The following ADGRG4 variants were observed in gnomAD, a reference collection of about 807,000 sequenced individuals.
ADGRG4 encodes the protein G protein-coupled receptor 112.
In ADGRG4, 122 loss-of-function variants were observed where a neutral mutation model predicts 126.2. The ratio of observed to expected loss-of-function variants is 0.97; its 90% confidence interval spans 0.83 to 1.12. The LOEUF is 1.12. ADGRG4 is among the 50% of genes most tolerant of loss of function. ADGRG4 has a pLI of 0.00. For synonymous variants in ADGRG4, 943 were observed against 838.7 expected (o/e 1.12, Z -2.15); for missense variants, 2,481 against 2,251.8 (o/e 1.10, Z -2.06).
chrX:136,334,310 A>G (rs940647432), intron 5 of ADGRG4, among the ~76,000 whole-genome samples: 1 of 111,340 alleles, frequency 9.0e-6, no homozygotes. Context: ...TCATCTATGT[A>G]TCTATCCCTC....
intron 5 of ADGRG4, among the ~76,000 whole-genome samples, chrX:136,328,007 T>C (rs1048305115): frequency 1.8e-5 from 2 of 111,718 alleles, no homozygotes; most frequent in Non-Finnish European, 3.8e-5. Flanking sequence ...ATTTCTTATA[T>C]ATCCTTGCGG....
At chrX:136,401,491 G>A (rs918615740) in intron 21 of ADGRG4, among the ~76,000 whole-genome samples, 2 of 111,470 alleles carry the variant, frequency 1.8e-5, no homozygotes, top group East Asian at 5.6e-4. Context: ...AGGAGAGGCA[G>A]GAAAGGCTAA....
At position 136,348,099 on chromosome X, in the gene ADGRG4, T is replaced by C; in HGVS notation, c.4393T>C (p.Ser1465Pro). Reference protein sequence around the residue: ...ISESTQTFPESLSLSTAGLYN... With the variant: ...ISESTQTFPEPLSLSTAGLYN... ...TGAAAGCACACAGACTTTCCCTGAG[T>C]CCTTGTCTCTTTCCACAGCTGGACT... is the stretch of plus-strand genomic sequence containing the variant. Residue 1465 changes from serine (S) to proline (P), a missense_variant, in exon 6 of 26, where the codon TCC becomes CCC. Coordinates refer to ENST00000394143, the MANE Select transcript of ADGRG4 (RefSeq NM_153834.4). 8.3e-7 allele frequency: 1 copy of C among 1,210,024 alleles called. No individual in the cohort carries two copies. Among genetic ancestry groups the C allele is most frequent in the Non-Finnish European group, 1.1e-6 (1 of 894,191 alleles).
intron 15 of ADGRG4, among the ~76,000 whole-genome samples, chrX:136,375,701 C>T (rs1303699075): frequency 3.6e-5 from 4 of 111,583 alleles, no homozygotes; most frequent in Non-Finnish European, 5.7e-5. Context: ...GAATTGTCTA[C>T]GCATGTCCTT....
chrX:136,338,237 A>C (rs1186663177), intron 5 of ADGRG4, among the ~76,000 whole-genome samples: 1 of 108,543 alleles, frequency 9.2e-6, no homozygotes, highest in Non-Finnish European at 1.9e-5. Context: ...GGCTCACAGC[A>C]ACCTCCGTCT....
rs1256842917 is a variant in ADGRG4, at chrX:136,353,413, A to C, written c.6887+12A>C. On this transcript the variant is annotated intron_variant, in intron 8 of 25. Transcript: ENST00000394143. ...CAAATTAAAAGCAGGTATGTGAATG[A>C]CATTTACTGTGGGTCAAAGGGCAAT... is the stretch of plus-strand genomic sequence containing the variant. 1 of 1,143,943 alleles carries C rather than the reference A, an allele frequency of 8.7e-7. No individual in the cohort carries two copies. The allele number at this position is 1,143,943 out of a possible 1,213,427, so 94.3% of individuals were successfully genotyped here. A position where few individuals can be genotyped will look rare whatever the true frequency, so the allele number is the denominator to read the frequency against.
At chrX:136,371,259 G>T in intron 13 of ADGRG4, 69 bp from the exon 14 acceptor site, 3 of 726,519 alleles carry the variant, frequency 4.1e-6, no homozygotes, top group Non-Finnish European at 6.0e-6. Context: ...TCTTTAAAGG[G>T]AAAGAAGCAC....
At chrX:136,383,774 T>C (rs2075275641) in intron 15 of ADGRG4, among the ~76,000 whole-genome samples, 1 of 111,698 alleles carries the variant, frequency 9.0e-6, no homozygotes, top group African/African-American at 3.2e-5. Context: ...TTATAGTTGC[T>C]TTTTAATTGT....
At position 136,344,727 on chromosome X, in the gene ADGRG4, A is replaced by C; in HGVS notation, c.1021A>C (p.Lys341Gln). 1 of 1,208,891 alleles carries C rather than the reference A, an allele frequency of 8.3e-7. No homozygotes were observed. The highest frequency in any genetic ancestry group is 1.8e-5 in the South Asian group (1 of 56,679). The change falls in exon 6 of 26, where the codon AAA becomes CAA. Residue 341 changes from lysine (K) to glutamine (Q), a missense_variant. Lys to Gln is a moderately conservative substitution (Grantham distance 53). Coordinates refer to ENST00000394143, the MANE Select transcript of ADGRG4 (RefSeq NM_153834.4). ...CATAGACAATACTACCAATTCCATG[A>C]AAAAAACGAAATCTCCATCTTCAGA... is the stretch of plus-strand genomic sequence containing the variant. ...ISIDNTTNSM[K>Q]KTKSPSSEST... is the part of the protein sequence containing the mutation.
At chrX:136,304,697 G>A (rs2148441443) in intron 2 of ADGRG4, among the ~76,000 whole-genome samples, 158 bp from the exon 3 acceptor site, 1 of 112,222 alleles carries the variant, frequency 8.9e-6, no homozygotes, top group African/African-American at 3.2e-5. Context: ...CTATGTGCCA[G>A]GCAGCATGCG....
chrX:136,405,983 CT>C lies in ADGRG4; in HGVS notation c.8935+17del. ...TTAACACTTTGCAAGGTAACTGGTG[CT>C]TTTTTGCCTTTTCTGTGGCCAGCTA... On this transcript the variant is annotated intron_variant, in intron 23 of 25. Coordinates refer to ENST00000394143, the MANE Select transcript of ADGRG4 (RefSeq NM_153834.4). 1 of 1,124,552 alleles carries C rather than the reference CT, an allele frequency of 8.9e-7. No homozygotes were observed. The allele number at this position is 1,124,552 out of a possible 1,213,427, so 92.7% of individuals were successfully genotyped here. A position where few individuals can be genotyped will look rare whatever the true frequency, so the allele number is the denominator to read the frequency against.
chrX:136,346,003 T>C lies in ADGRG4; in HGVS notation c.2297T>C (p.Met766Thr). The C allele has an allele frequency of 8.3e-7, 1 of 1,207,695 alleles. No individual in the cohort carries two copies. The highest frequency in any genetic ancestry group is 1.1e-6 in the Non-Finnish European group (1 of 892,571). ...ACTTTACTACTAAAAACAATACCTATGTCTACAAAACCTGCAAATGAACTT... is the reference window on the plus strand; with the variant it reads ...ACTTTACTACTAAAAACAATACCTACGTCTACAAAACCTGCAAATGAACTT... ...LTTLLLKTIP[M>T]STKPANELPL... is the part of the protein sequence containing the mutation. Residue 766 changes from methionine (M) to threonine (T), a missense_variant, in exon 6 of 26, where the codon ATG becomes ACG. Coordinates refer to ENST00000394143, the MANE Select transcript of ADGRG4 (RefSeq NM_153834.4).
At chrX:136,413,096 T>A (rs957951793) in intron 24 of ADGRG4, among the ~76,000 whole-genome samples, 27 of 110,742 alleles carry the variant, frequency 2.4e-4, no homozygotes, top group East Asian at 1.4e-3. Flanking sequence ...TTATTTATTT[T>A]TTTTATTATA....
Position 136,344,830 on chromosome X carries a change from C to A in ADGRG4, c.1124C>A (p.Ser375Tyr). Reference sequence around the variant, plus strand: ...CCACCTACACCTTCTAATTTCCTATCCACATCCAGATTTACCAAGAATTCA... The same window carrying A: ...CCACCTACACCTTCTAATTTCCTATACACATCCAGATTTACCAAGAATTCA... ...FQPPTPSNFL[S>Y]TSRFTKNSVV... The change falls in exon 6 of 26, where the codon TCC becomes TAC. Residue 375 changes from serine (S) to tyrosine (Y), a missense_variant. Coordinates refer to ENST00000394143, the MANE Select transcript of ADGRG4 (RefSeq NM_153834.4). 1 of 1,207,261 alleles carries A rather than the reference C, an allele frequency of 8.3e-7. No homozygotes were observed. Among genetic ancestry groups the A allele is most frequent in the Non-Finnish European group, 1.1e-6 (1 of 891,313 alleles).
chrX:136,347,059 C>G lies in ADGRG4; in HGVS notation c.3353C>G (p.Thr1118Ser). ...CCATTTCATTCACTGAGACTCTCCA[C>G]TCCTGTGACAGCTAAGGCTGAGACC... Reference protein sequence around the residue: ...ETPFHSLRLSTPVTAKAETTL... With the variant: ...ETPFHSLRLSSPVTAKAETTL... The change falls in exon 6 of 26, where the codon ACT becomes AGT. Residue 1118 changes from threonine (T) to serine (S), a missense_variant. Thr to Ser is a moderately conservative substitution (Grantham distance 58). Coordinates refer to ENST00000394143, the MANE Select transcript of ADGRG4 (RefSeq NM_153834.4). 8.3e-7 allele frequency: 1 copy of G among 1,211,028 alleles called. No individual in the cohort carries two copies. Among genetic ancestry groups the G allele is most frequent in the South Asian group, 1.8e-5 (1 of 56,940 alleles).
At chrX:136,397,491 CTTTTTTTT>C (rs1184936316) in intron 19 of ADGRG4, among the ~76,000 whole-genome samples, 1,498 of 50,598 alleles carry the variant, frequency 0.03, 52 homozygotes, top group African/African-American at 0.1. Context: ...AGGAAAAGGA[CTTTTTTTT>C]TTTTTTTTTT....
chrX:136,361,656 CTA>C lies in ADGRG4; in HGVS notation c.7277+71_7277+72del, dbSNP rs1385617801. 84 of 851,610 alleles carry C rather than the reference CTA, an allele frequency of 9.9e-5. 1 individual carries two copies. In the African/African-American group the frequency reaches 1.5e-3, roughly 15 times the overall value. 70.2% of individuals were successfully genotyped at this position (851,610 alleles called of 1,213,427 possible). ...GATCTACCTAATTGGGGACATGTTT[CTA>C]TGTCATTTGTCTGAGCATGCTCCCT... On this transcript the variant is annotated intron_variant, in intron 12 of 25. Coordinates refer to ENST00000394143, the MANE Select transcript of ADGRG4 (RefSeq NM_153834.4).
intron 23 of ADGRG4, among the ~76,000 whole-genome samples, chrX:136,409,492 G>T (rs1429213948): frequency 2.7e-5 from 3 of 111,822 alleles, no homozygotes; most frequent in Non-Finnish European, 5.6e-5. Flanking sequence ...TGTACATGCT[G>T]AAGTTGGAGG....
rs368907188 is a variant in ADGRG4 at position 136,381,419 on chromosome X, T to A, written c.7777-6321T>A. 3.6e-5 allele frequency among the ~76,000 whole-genome samples: 4 copies of A among 110,881 alleles called. No individual in the cohort carries two copies. The South Asian group carries it at 1.6e-3, about 43-fold the overall frequency. On this transcript the variant is annotated intron_variant, in intron 15 of 25. Coordinates refer to ENST00000394143, the MANE Select transcript of ADGRG4 (RefSeq NM_153834.4). ...GGTGCATGTCACCACACCTCGCTACTTTTTAAAACATTGTTTGTAAAGATG... is the reference window on the plus strand; with the variant it reads ...GGTGCATGTCACCACACCTCGCTACATTTTAAAACATTGTTTGTAAAGATG...
Sources: allele counts gnomAD v4.1 joint callset (sites outside exome capture counted in the v4.1 genomes callset), GRCh38; gene constraint gnomAD v4.1.1; transcripts MANE v1.5; gene names NCBI Gene and HGNC (gene_info 2026-07-23, HGNC 2026-07-21).